CC2D1A: variants seen among roughly 807,000 people sequenced by gnomAD.
CC2D1A encodes the protein coiled-coil and C2 domain containing 1A, also known as coiled-coil and C2 domain-containing protein 1A.
In CC2D1A, 68 loss-of-function variants were observed where a neutral mutation model predicts 123.8. The observed-to-expected ratio is 0.55, with a 90% CI of 0.45 to 0.67. The LOEUF (loss-of-function observed/expected upper bound fraction) is 0.67, where lower values mean the gene tolerates loss of function less well. Ranked by LOEUF, CC2D1A falls within the 30% of genes least tolerant of loss-of-function variation. The pLI is 0.00. For missense variants in CC2D1A, 1,185 were observed against 1,290.3 expected (o/e 0.92, Z 1.25); for synonymous variants, 477 against 528.0 (o/e 0.90, Z 1.32).
Position 13,929,585 on chromosome 19 carries a change from C to A in CC2D1A, c.2635C>A (p.Gln879Lys). 6.2e-7 allele frequency: 1 copy of A among 1,606,774 alleles called. No homozygotes were observed. Among genetic ancestry groups the A allele is most frequent in the Non-Finnish European group, 8.5e-7 (1 of 1,178,336 alleles). ...RRPVPPEVAQ[Q>K]YQDIMQRSQW... ...GCCGGTGCCCCCAGAAGTGGCCCAG[C>A]AGTACCAGGACATCATGCAACGCAG... is the stretch of plus-strand genomic sequence containing the variant. The change falls in exon 26 of 29, where the codon CAG becomes AAG. Residue 879 changes from glutamine (Q) to lysine (K), a missense_variant. Physicochemically the swap from Gln to Lys is moderately conservative, Grantham distance 53. Coordinates refer to ENST00000318003, the MANE Select transcript of CC2D1A (RefSeq NM_017721.5).
chr19:13,928,224 C>T, intron 24 of CC2D1A, 36 bp downstream of exon 24: 1 of 1,572,746 alleles, frequency 6.4e-7, no homozygotes, highest in Non-Finnish European at 8.7e-7. Context: ...GGAGAAAACA[C>T]CCAATTCCCC....
At position 13,928,146 on chromosome 19, in the gene CC2D1A, A is replaced by C; in HGVS notation, c.2477A>C (p.Lys826Thr). The change falls in exon 24 of 29, where the codon AAG becomes ACG. Residue 826 changes from lysine (K) to threonine (T), a missense_variant. By Grantham distance (78) the Lys-to-Thr change is moderately conservative (BLOSUM62 -1). Transcript: ENST00000318003. ...VPTQVAGPKG[K>T]APPVPAPARE... ...AAGCAGGTTGCTGGGCCCAAAGGGAAGGCCCCTCCTGTGCCTGCCCCTGCA... is the reference window on the plus strand; with the variant it reads ...AAGCAGGTTGCTGGGCCCAAAGGGACGGCCCCTCCTGTGCCTGCCCCTGCA... 1 of 1,613,620 alleles carries C rather than the reference A, an allele frequency of 6.2e-7. No individual in the cohort carries two copies. Among genetic ancestry groups the C allele is most frequent in the Non-Finnish European group, 8.5e-7 (1 of 1,179,958 alleles).
chr19:13,930,498 ATCGGTTCTGGAC>A lies in CC2D1A; in HGVS notation c.*106_*117del. ...CAGACAAGCAGACAATCAGCGGACA[ATCGGTTCTGGAC>A]TCACCCCTCATCCGGGCCCCCAGCC... On this transcript the variant is annotated 3_prime_UTR_variant, in exon 29 of 29. Coordinates refer to ENST00000318003, the MANE Select transcript of CC2D1A (RefSeq NM_017721.5). The surrounding 1 kb of genome is among the most constrained non-coding windows in gnomAD (Gnocchi z 6.8). 2 of 1,347,820 alleles carry A rather than the reference ATCGGTTCTGGAC, an allele frequency of 1.5e-6. No individual in the cohort carries two copies. Among genetic ancestry groups the A allele is most frequent in the Non-Finnish European group, 2.0e-6 (2 of 1,003,756 alleles). The allele number at this position is 1,347,820 out of a possible 1,614,324, so 83.5% of individuals were successfully genotyped here.
chr19:13,920,678 C>G lies in CC2D1A; in HGVS notation c.1468+10C>G. 1 of 1,605,922 alleles carries G rather than the reference C, an allele frequency of 6.2e-7. No homozygotes were observed. Among genetic ancestry groups the G allele is most frequent in the Non-Finnish European group, 8.5e-7 (1 of 1,175,740 alleles). Reference sequence around the variant, plus strand: ...GCCACATCCACCAGAGGTAAGTTCCCCCTCCCCGCCCCAGCTGCCTGTTGC... The same window carrying G: ...GCCACATCCACCAGAGGTAAGTTCCGCCTCCCCGCCCCAGCTGCCTGTTGC... On this transcript the variant is annotated intron_variant, in intron 13 of 28. Coordinates refer to ENST00000318003, the MANE Select transcript of CC2D1A (RefSeq NM_017721.5).
chr19:13,929,391 C>G lies in CC2D1A; in HGVS notation c.2532C>G (p.Pro844=). Residue 844 remains proline (P), a synonymous_variant, in exon 25 of 29, where the codon CCC becomes CCG. Coordinates refer to ENST00000318003, the MANE Select transcript of CC2D1A (RefSeq NM_017721.5). ...CTCCACCCCTTAGATCAGCCCGGCCCCTGCATAGCCTCAGTGTGCTGGCGT... is the reference window on the plus strand; with the variant it reads ...CTCCACCCCTTAGATCAGCCCGGCCGCTGCATAGCCTCAGTGTGCTGGCGT... ...ARESGNRSAR[P]LHSLSVLAFD... 3.1e-6 allele frequency: 5 copies of G among 1,613,550 alleles called. No individual in the cohort carries two copies. Among genetic ancestry groups the G allele is most frequent in the Non-Finnish European group, 4.2e-6 (5 of 1,179,968 alleles).
intron 14 of CC2D1A, 40 bp downstream of exon 14, chr19:13,920,962 C>T: frequency 6.4e-7 from 1 of 1,560,954 alleles, no homozygotes; most frequent in Non-Finnish European, 8.7e-7. Context: ...CAGGCACCCA[C>T]TTGTCAGGCT....
chr19:13,917,211 T>C (rs1367163358), intron 6 of CC2D1A, among the ~76,000 whole-genome samples: 2 of 152,176 alleles, frequency 1.3e-5, no homozygotes, highest in African/African-American at 2.4e-5. Context: ...GGCACATGCC[T>C]GTAATCTCTG....
rs375815834 is a variant in CC2D1A at position 13,916,713 on chromosome 19, A to G, written c.749-1357A>G. 2.2e-4 allele frequency among the ~76,000 whole-genome samples: 33 copies of G among 152,316 alleles called. No homozygotes were observed. The East Asian group carries it at 4.0e-3, about 19-fold the overall frequency. On this transcript the variant is annotated intron_variant, in intron 6 of 28. Transcript: ENST00000318003. ...AGGAAATAAAACCAATACAATGTCA[A>G]AGGTGTGTCACTTCTACCTCCAAAC...
At chr19:13,927,566 CAG>C in intron 22 of CC2D1A, 1 of 464,228 alleles carries the variant, frequency 2.2e-6, no homozygotes, top group Non-Finnish European at 3.9e-6. Flanking sequence ...ATCACGAGGT[CAG>C]GAGATCGAGA....
Position 13,915,867 on chromosome 19 carries a change from G to A in CC2D1A, c.749-2203G>A, listed in dbSNP as rs938179358. ...CAGAAGAGGATTGAATGGGAGAAAC[G>A]AGTTGATTGTTAGGGATTGGACCCA... On this transcript the variant is annotated intron_variant, in intron 6 of 28. Transcript: ENST00000318003. Among the ~76,000 whole-genome samples the A allele has an allele frequency of 2.0e-5, 3 of 152,058 alleles. No individual in the cohort carries two copies. In the South Asian group the frequency reaches 6.2e-4, roughly 32 times the overall value.
In CC2D1A at chr19:13,913,571, C is replaced by T. The variant is rs753049887; in HGVS notation, c.681C>T (p.Thr227=). ...CGTCAGCCCCAGAGCCCAGGGTCAC[C>T]CTGGAGGGACCTTCTGCCACCGCCC... ...RIASAPEPRV[T]LEGPSATAPA... Residue 227 remains threonine, a synonymous_variant, in exon 6 of 29, where the codon ACC becomes ACT. Coordinates refer to ENST00000318003, the MANE Select transcript of CC2D1A (RefSeq NM_017721.5). The T allele has an allele frequency of 6.2e-7, 1 of 1,614,036 alleles. No homozygotes were observed. Among genetic ancestry groups the T allele is most frequent in the South Asian group, 1.1e-5 (1 of 91,076 alleles).
At position 13,918,414 on chromosome 19, in the gene CC2D1A, C is replaced by T. The variant is rs556541068; in HGVS notation, c.874-90C>T. On this transcript the variant is annotated intron_variant, in intron 7 of 28. Transcript: ENST00000318003. Reference sequence around the variant, plus strand: ...AAATGGAAGGGAGGGAGCTAGAAGTCCTCGGTGGCATGGAAGGGCCCGGAG... The same window carrying T: ...AAATGGAAGGGAGGGAGCTAGAAGTTCTCGGTGGCATGGAAGGGCCCGGAG... 27 of 1,307,214 alleles carry T rather than the reference C, an allele frequency of 2.1e-5. No individual in the cohort carries two copies. The South Asian group carries it at 3.7e-4, about 18-fold the overall frequency. The allele number at this position is 1,307,214 out of a possible 1,614,324, so 81.0% of individuals were successfully genotyped here.
Position 13,927,230 on chromosome 19 carries a change from C to T in CC2D1A, c.2281C>T (p.Leu761=), listed in dbSNP as rs1297513369. 6.2e-7 allele frequency: 1 copy of T among 1,614,124 alleles called. No homozygotes were observed. The highest frequency in any genetic ancestry group is 1.1e-5 in the South Asian group (1 of 91,080). Residue 761 remains leucine, a synonymous_variant, in exon 22 of 29, where the codon CTG becomes TTG. Coordinates refer to ENST00000318003, the MANE Select transcript of CC2D1A (RefSeq NM_017721.5). Reference sequence around the variant, plus strand: ...GACAGCCCAGCTGAAGCTGGATGCACTGGAGATAGCATGTGAGGTCCGGGA... The same window carrying T: ...GACAGCCCAGCTGAAGCTGGATGCATTGGAGATAGCATGTGAGGTCCGGGA... ...LGTAQLKLDA[L]EIACEVREIL...
chr19:13,920,282 G>A (rs1437196184), intron 12 of CC2D1A: 1 of 524,862 alleles, frequency 1.9e-6, no homozygotes, highest in East Asian at 3.5e-5. Context: ...AAAGTGTTTG[G>A]TGAGAATTGC....
In CC2D1A at chr19:13,913,086, G is replaced by A. The variant is rs563252252; in HGVS notation, c.379-82G>A. The A allele has an allele frequency of 8.5e-6, 12 of 1,408,622 alleles. No individual in the cohort carries two copies. In the South Asian group the frequency reaches 1.5e-4, roughly 17 times the overall value. The allele number at this position is 1,408,622 out of a possible 1,614,324, so 87.3% of individuals were successfully genotyped here. A position where few individuals can be genotyped will look rare whatever the true frequency, so the allele number is the denominator to read the frequency against. The stretch of plus-strand genomic sequence containing the variant: ...GGAGGCTGGTCCAGGGATGACATGG[G>A]GCCGACTGTTACTGCAGAAGGGGCT... On this transcript the variant is annotated intron_variant, in intron 4 of 28. Transcript: ENST00000318003.
chr19:13,907,872 T>C (rs1970837492), intron 1 of CC2D1A, among the ~76,000 whole-genome samples: 2 of 152,174 alleles, frequency 1.3e-5, no homozygotes, highest in Non-Finnish European at 2.9e-5. Context: ...TTGCCAATAT[T>C]TGGCCATTTT....
chr19:13,925,932 AAATATATATAT>A (rs1245626687), intron 17 of CC2D1A, among the ~76,000 whole-genome samples: 1 of 103,328 alleles, frequency 9.7e-6, no homozygotes, highest in African/African-American at 4.8e-5. Context: ...AAAAAAAAAA[AAATATATATAT>A]ATATATATAT....
rs1355636171 is a variant in CC2D1A, at chr19:13,923,688, C to T, written c.1824-7C>T. The stretch of plus-strand genomic sequence containing the variant: ...CAGGGACATGAGCAGGGCCCTCCCA[C>T]CGGCAGGTTTGAAAAGTTGGCGGAG... On this transcript the variant is annotated splice_polypyrimidine_tract_variant and splice_region_variant and intron_variant, in intron 16 of 28. Transcript: ENST00000318003. The surrounding 1 kb of genome is among the most constrained non-coding windows in gnomAD (Gnocchi z 5.3). 3.1e-6 allele frequency: 5 copies of T among 1,613,898 alleles called. No individual in the cohort carries two copies. Among genetic ancestry groups the T allele is most frequent in the Non-Finnish European group, 3.4e-6 (4 of 1,179,728 alleles).
In CC2D1A at chr19:13,928,107, G is replaced by A. The variant is rs1375897233; in HGVS notation, c.2455-17G>A. On this transcript the variant is annotated splice_polypyrimidine_tract_variant and intron_variant, in intron 23 of 28. Coordinates refer to ENST00000318003, the MANE Select transcript of CC2D1A (RefSeq NM_017721.5). ...TCAGGGGCCCAGGACTCACAGGACT[G>A]GTTCTCTCCTCTGAAGCAGGTTGCT... 4 of 1,612,404 alleles carry A rather than the reference G, an allele frequency of 2.5e-6. No individual in the cohort carries two copies. In the South Asian group the frequency reaches 4.4e-5, roughly 18 times the overall value.
Sources: allele counts gnomAD v4.1 joint callset (sites outside exome capture counted in the v4.1 genomes callset), GRCh38; gene constraint gnomAD v4.1.1; non-coding constraint Gnocchi (gnomAD v3.1); transcripts MANE v1.5; gene names NCBI Gene and HGNC (gene_info 2026-07-23, HGNC 2026-07-21).